The following TRPV4 variants were observed in gnomAD, a reference collection of about 807,000 sequenced individuals.
TRPV4 encodes the protein OSM9-like transient receptor potential channel 4.
Under a neutral mutation model 84.1 loss-of-function variants are expected in TRPV4, and 58 were observed. The observed-to-expected ratio is 0.69, with a 90% CI of 0.56 to 0.86. The LOEUF (loss-of-function observed/expected upper bound fraction) is 0.86, where lower values mean the gene tolerates loss of function less well. Ranked by LOEUF, TRPV4 falls within the 40% of genes least tolerant of loss-of-function variation. TRPV4 has a pLI of 0.00. For synonymous variants in TRPV4, 489 were observed against 500.9 expected, an observed-to-expected ratio of 0.98 and a Z score of 0.32; for missense variants, 879 against 1,181.1, an observed-to-expected ratio of 0.74 and a Z score of 3.75.
At chr12:109,820,516 A>ATTTTTTTTTTT (rs1166251387) in intron 1 of TRPV4, among the ~76,000 whole-genome samples, 33 of 92,400 alleles carry the variant, frequency 3.6e-4, no homozygotes, top group African/African-American at 1.6e-3. Flanking sequence ...CAGCTGCCCT[A>ATTTTTTTTTTT]TTTTTTTTTT....
At chr12:109,785,330 A>G (rs1889619800) in intron 14 of TRPV4, among the ~76,000 whole-genome samples, 1 of 152,030 alleles carries the variant, frequency 6.6e-6, no homozygotes. Flanking sequence ...CACTGTACAC[A>G]TAGCCCACAT....
chr12:109,792,593 GGT>G, intron 11 of TRPV4, 57 bp downstream of exon 11: 7 of 1,603,214 alleles, frequency 4.4e-6, no homozygotes, highest in East Asian at 2.2e-5. Context: ...GTGTGCATGT[GGT>G]GTGTGTGTGA....
In TRPV4 at chr12:109,796,806, C is replaced by T. The variant is rs534974766; in HGVS notation, c.1153-102G>A. 4.9e-6 allele frequency: 6 copies of T among 1,234,222 alleles called. No homozygotes were observed. Among genetic ancestry groups the T allele is most frequent in the South Asian group, 3.1e-5 (2 of 64,774 alleles). 76.5% of individuals were successfully genotyped at this position (1,234,222 alleles called of 1,614,324 possible). On this transcript the variant is annotated intron_variant, in intron 6 of 15. Coordinates refer to ENST00000261740, the MANE Select transcript of TRPV4 (RefSeq NM_021625.5). This position sits in a 1 kb window ranked among gnomAD's most constrained non-coding sequence, Gnocchi z 4.2. The stretch of plus-strand genomic sequence containing the variant: ...GCCTCCCCAGAAAACAGCTAAGCAC[C>T]GGCTGCTGGAGGACCCTTTCCTCAT...
intron 1 of TRPV4, among the ~76,000 whole-genome samples, chr12:109,825,014 T>C (rs1263481710): frequency 6.6e-6 from 1 of 151,836 alleles, no homozygotes; most frequent in Non-Finnish European, 1.5e-5. Flanking sequence ...ATTTGCTCCA[T>C]AGTTATTTGG....
Position 109,808,464 on chromosome 12 carries a change from G to A in TRPV4, c.391C>T (p.Gln131Ter), listed in dbSNP as rs746278842. 8.1e-6 allele frequency: 13 copies of A among 1,611,972 alleles called. No homozygotes were observed. The highest frequency in any genetic ancestry group is 5.1e-6 in the Non-Finnish European group (6 of 1,178,462). ...KRWRKKIIEK[Q>*]PQSPKAPAPQ... The stretch of plus-strand genomic sequence containing the variant: ...GCAGGGGCTTTGGGGCTCTGCGGCT[G>A]CTTCCTGGAGGAGGTAGGGAGGCAA... The change falls in exon 3 of 16, where the codon CAG (glutamine) becomes TAG (stop). Residue 131 changes from glutamine to a stop codon, truncating the protein, a stop_gained. Coordinates refer to ENST00000261740, the MANE Select transcript of TRPV4 (RefSeq NM_021625.5). LOFTEE classifies it high-confidence loss of function.
chr12:109,790,155 C>T (rs1889939736), intron 12 of TRPV4, among the ~76,000 whole-genome samples: 1 of 152,202 alleles, frequency 6.6e-6, no homozygotes, highest in Non-Finnish European at 1.5e-5. Context: ...GTGAAAACTA[C>T]AATTCCACTT....
At position 109,798,982 on chromosome 12, in the gene TRPV4, C is replaced by T. The variant is rs941394250; in HGVS notation, c.854-70G>A. 2.5e-5 allele frequency: 36 copies of T among 1,458,028 alleles called. No individual in the cohort carries two copies. The East Asian group carries it at 2.5e-4, about 10-fold the overall frequency. 90.3% of individuals were successfully genotyped at this position (1,458,028 alleles called of 1,614,324 possible). A position where few individuals can be genotyped will look rare whatever the true frequency, so the allele number is the denominator to read the frequency against. ...GGGTGGGACTCTGCCTGCAGACACT[C>T]GGGGGACGGACACCGTGGCGCTCTG... is the stretch of plus-strand genomic sequence containing the variant. On this transcript the variant is annotated intron_variant, in intron 5 of 15. Transcript: ENST00000261740. The surrounding 1 kb of genome is among the most constrained non-coding windows in gnomAD (Gnocchi z 5.0).
chr12:109,827,955 C>A (rs1199454195), intron 1 of TRPV4, among the ~76,000 whole-genome samples: 1 of 152,128 alleles, frequency 6.6e-6, no homozygotes, highest in African/African-American at 2.4e-5. Flanking sequence ...AACACACACA[C>A]AGGGAATGGT....
rs751403808 is a variant in TRPV4 at position 109,786,450 on chromosome 12, C to T, written c.2336+260G>A. 2.0e-5 allele frequency among the ~76,000 whole-genome samples: 3 copies of T among 152,228 alleles called. No homozygotes were observed. The highest frequency in any genetic ancestry group is 1.9e-4 in the East Asian group (1 of 5,206). ...TCGGGCACTGGCTGAGCACTTCTCA[C>T]GTGCTGACCTGTCTAATCCGCACCG... On this transcript the variant is annotated intron_variant, in intron 14 of 15. Transcript: ENST00000261740. This position sits in a 1 kb window ranked among gnomAD's most constrained non-coding sequence, Gnocchi z 4.5.
At position 109,783,866 on chromosome 12, in the gene TRPV4, C is replaced by A; in HGVS notation, c.2459-88G>T. ...GAGTGCCTACTGTGTACTGGGCACTCCACAGTGTTCTGAAGGGGGGATGTG... is the reference window on the plus strand; with the variant it reads ...GAGTGCCTACTGTGTACTGGGCACTACACAGTGTTCTGAAGGGGGGATGTG... On this transcript the variant is annotated intron_variant, in intron 15 of 15. Transcript: ENST00000261740. This position sits in a 1 kb window ranked among gnomAD's most constrained non-coding sequence, Gnocchi z 4.6. The A allele has an allele frequency of 1.4e-6, 2 of 1,467,420 alleles. No individual in the cohort carries two copies. Among genetic ancestry groups the A allele is most frequent in the Non-Finnish European group, 1.9e-6 (2 of 1,070,446 alleles). 90.9% of individuals were successfully genotyped at this position (1,467,420 alleles called of 1,614,324 possible).
At position 109,831,853 on chromosome 12, in the gene TRPV4, T is replaced by C. The variant is rs1203929303; in HGVS notation, c.-32+1497A>G. On this transcript the variant is annotated intron_variant, in intron 1 of 15. Coordinates refer to ENST00000261740, the MANE Select transcript of TRPV4 (RefSeq NM_021625.5). The stretch of plus-strand genomic sequence containing the variant: ...CTGAACTATGACTGCCATTTGCCAT[T>C]TGTGTCTGGGACCCCTTCCGCGTGC... 2.6e-5 allele frequency among the ~76,000 whole-genome samples: 4 copies of C among 152,360 alleles called. No homozygotes were observed. The East Asian group carries it at 5.8e-4, about 22-fold the overall frequency.
In TRPV4 at chr12:109,796,488, T is replaced by G; in HGVS notation, c.1332+37A>C. The G allele has an allele frequency of 6.3e-7, 1 of 1,595,982 alleles. No homozygotes were observed. Among genetic ancestry groups the G allele is most frequent in the Non-Finnish European group, 8.6e-7 (1 of 1,167,560 alleles). ...CTGTCCCTACTCCCAGCCCTGCCCC[T>G]CCTTCCTCACACCCCATGCCCCCTC... On this transcript the variant is annotated intron_variant, in intron 7 of 15. Transcript: ENST00000261740. The surrounding 1 kb of genome is among the most constrained non-coding windows in gnomAD (Gnocchi z 4.2).
chr12:109,829,674 C>T (rs1892359652), intron 1 of TRPV4, among the ~76,000 whole-genome samples: 1 of 152,208 alleles, frequency 6.6e-6, no homozygotes, highest in Admixed American at 6.5e-5. Flanking sequence ...TGCCTTGGGT[C>T]ATCCCTGCAA....
intron 3 of TRPV4, among the ~76,000 whole-genome samples, chr12:109,806,129 T>C (rs901596027): frequency 3.2e-4 from 48 of 151,942 alleles, no homozygotes; most frequent in Admixed American, 2.3e-3. Flanking sequence ...AACTTGTGCC[T>C]CCAAACGAGG....
intron 2 of TRPV4, among the ~76,000 whole-genome samples, chr12:109,810,873 C>G (rs1891475975): frequency 2.0e-5 from 3 of 152,106 alleles, no homozygotes; most frequent in African/African-American, 4.8e-5. Flanking sequence ...ACAGAGCCCA[C>G]CAGCTTTCAA....
intron 3 of TRPV4, among the ~76,000 whole-genome samples, chr12:109,805,222 A>G (rs1459521978): frequency 6.6e-6 from 1 of 152,234 alleles, no homozygotes; most frequent in Non-Finnish European, 1.5e-5. Flanking sequence ...AGTGCCTGGT[A>G]TGTGGTAGGT....
chr12:109,794,507 C>T lies in TRPV4; in HGVS notation c.1333-20G>A, dbSNP rs538807931. ...GCGGTTCTAAGAGAGGCAGGGTGGT[C>T]GGGGGCTGCCTTCCTGAGATGGGTG... is the stretch of plus-strand genomic sequence containing the variant. On this transcript the variant is annotated intron_variant, in intron 7 of 15. Coordinates refer to ENST00000261740, the MANE Select transcript of TRPV4 (RefSeq NM_021625.5). 90 of 1,613,226 alleles carry T rather than the reference C, an allele frequency of 5.6e-5. 1 individual carries two copies. In the South Asian group the frequency reaches 8.6e-4, roughly 15 times the overall value.
intron 14 of TRPV4, among the ~76,000 whole-genome samples, chr12:109,784,715 G>T (rs1174814193): frequency 6.6e-6 from 1 of 151,422 alleles, no homozygotes; most frequent in Non-Finnish European, 1.5e-5. Flanking sequence ...ATGGTGGCGG[G>T]TGCCTATAGT....
At chr12:109,785,656 T>G (rs1381024976) in intron 14 of TRPV4, among the ~76,000 whole-genome samples, 3 of 151,674 alleles carry the variant, frequency 2.0e-5, no homozygotes. Flanking sequence ...TGACCTCAGG[T>G]GATCCACCCA....
Sources: gnomAD v4.1 joint callset for allele counts (sites outside exome capture counted in the v4.1 genomes callset) on GRCh38, gnomAD v4.1.1 for gene constraint, Gnocchi (gnomAD v3.1) non-coding constraint, MANE v1.5 for transcripts, NCBI Gene and HGNC (gene_info 2026-07-23, HGNC 2026-07-21) for gene names.